Variants in ADGRV1 observed in about 807,000 individuals in gnomAD.
ADGRV1 encodes adhesion G protein-coupled receptor V1.
ADGRV1 carries 359 observed loss-of-function variants against 596.2 expected under a neutral mutation model. The observed-to-expected ratio is 0.60, with a 90% confidence interval of 0.55 to 0.66. The LOEUF (loss-of-function observed/expected upper bound fraction) is 0.66. ADGRV1 is among the 30% of genes least tolerant of loss of function. ADGRV1 has a pLI of 0.00. For synonymous variants in ADGRV1, 2,681 were observed against 2,679.2 expected, an observed-to-expected ratio of 1.00 and a Z score of -0.02; for missense variants, 7,274 against 7,575.6, an observed-to-expected ratio of 0.96 and a Z score of 1.48.
intron 45 of ADGRV1, 121 bp from the exon 46 acceptor site, chr5:90,724,711 T>C: frequency 4.8e-6 from 4 of 837,912 alleles, no homozygotes; most frequent in Non-Finnish European, 2.0e-6. Context: ...CATACACACG[T>C]CATGAAAGAA....
intron 14 of ADGRV1, 88 bp from the exon 15 acceptor site, chr5:90,644,614 TTTTA>T: frequency 2.0e-6 from 2 of 988,804 alleles, no homozygotes; most frequent in Non-Finnish European, 3.1e-6. Context: ...GAGGTGTTGT[TTTTA>T]TTTTTGTTTA....
chr5:90,982,627 T>C (rs1177164352), intron 84 of ADGRV1, among the ~76,000 whole-genome samples: 1 of 152,244 alleles, frequency 6.6e-6, no homozygotes, highest in Non-Finnish European at 1.5e-5. Flanking sequence ...TCTTCTCTAC[T>C]AACACACCTC....
chr5:90,595,062 C>T (rs1435670092), intron 1 of ADGRV1, among the ~76,000 whole-genome samples: 27 of 140,348 alleles, frequency 1.9e-4, no homozygotes, highest in Non-Finnish European at 2.8e-4. Flanking sequence ...TAGGGGCGGC[C>T]GGGCAGAGGC....
In ADGRV1 at chr5:90,983,624, C is replaced by T. The variant is rs540761658; in HGVS notation, c.17974-1720C>T. Among the ~76,000 whole-genome samples the T allele has an allele frequency of 3.3e-5, 5 of 152,094 alleles. No individual in the cohort carries two copies. The East Asian group carries it at 5.8e-4, about 18-fold the overall frequency. On this transcript the variant is annotated intron_variant, in intron 84 of 89. Transcript: ENST00000405460. ...CCAGCAACAACACTTTACACAACCCCGCTTATTTGAGTCCACATCCCTATA... is the reference window on the plus strand; with the variant it reads ...CCAGCAACAACACTTTACACAACCCTGCTTATTTGAGTCCACATCCCTATA...
At chr5:90,899,830 T>C (rs1339946393) in intron 83 of ADGRV1, among the ~76,000 whole-genome samples, 2 of 152,186 alleles carry the variant, frequency 1.3e-5, no homozygotes, top group African/African-American at 4.8e-5. Context: ...AAGACTCTGA[T>C]AACGAGAGCA....
At chr5:91,028,734 T>TTTTG (rs1784227638) in intron 85 of ADGRV1, among the ~76,000 whole-genome samples, 1 of 144,854 alleles carries the variant, frequency 6.9e-6, no homozygotes, top group Non-Finnish European at 1.5e-5. Context: ...TAGACTCTGT[T>TTTTG]TTTTTTTTTT....
chr5:91,024,077 G>A (rs56258383), intron 85 of ADGRV1, among the ~76,000 whole-genome samples: 36,631 of 152,024 alleles, frequency 0.24, 4,725 homozygotes, highest in Non-Finnish European at 0.28. Context: ...GCATGAGTAG[G>A]TTCTGAAATC....
rs1745596816 is a variant in ADGRV1, at chr5:90,686,119, C to G, written c.6490+124C>G. On this transcript the variant is annotated intron_variant, in intron 29 of 89. Coordinates refer to ENST00000405460, the MANE Select transcript of ADGRV1 (RefSeq NM_032119.4). ...ATAATCAACTAGAAAACTAGAAATA[C>G]TCTTGTATCTTTTTCAAGGGACAAA... is the stretch of plus-strand genomic sequence containing the variant. The G allele has an allele frequency of 2.1e-5, 10 of 465,178 alleles. No individual in the cohort carries two copies. The South Asian group carries it at 7.9e-4, about 37-fold the overall frequency. The allele number at this position is 465,178 out of a possible 1,614,324, so 28.8% of individuals were successfully genotyped here.
At chr5:90,888,641 A>G (rs1380900438) in intron 83 of ADGRV1, among the ~76,000 whole-genome samples, 1 of 152,084 alleles carries the variant, frequency 6.6e-6, no homozygotes, top group Non-Finnish European at 1.5e-5. Flanking sequence ...TGTTTTTATC[A>G]TTGTACTGCA....
chr5:90,971,070 G>A (rs546598553), intron 84 of ADGRV1, among the ~76,000 whole-genome samples: 6 of 152,318 alleles, frequency 3.9e-5, no homozygotes, highest in East Asian at 1.9e-4. Flanking sequence ...ACAAGCCTCC[G>A]TAGCCGATTT....
intron 89 of ADGRV1, among the ~76,000 whole-genome samples, chr5:91,154,561 C>A (rs1009768787): frequency 6.6e-6 from 1 of 152,218 alleles, no homozygotes; most frequent in Non-Finnish European, 1.5e-5. Flanking sequence ...GGCACAACCG[C>A]CTCTCGAGTG....
chr5:90,736,049 G>C (rs889565580), intron 50 of ADGRV1, among the ~76,000 whole-genome samples: 1 of 152,068 alleles, frequency 6.6e-6, no homozygotes, highest in African/African-American at 2.4e-5. Context: ...CTTTGTCTTG[G>C]CCAGGATCTT....
At position 90,802,895 on chromosome 5, in the gene ADGRV1, G is replaced by A. The variant is rs2150189937; in HGVS notation, c.14661+13G>A. ...TGCCAATTCTCAGGTAATTGGCCCT[G>A]TGTGTGGTTCTCTCAGCAGAACACT... On this transcript the variant is annotated intron_variant, in intron 71 of 89. Transcript: ENST00000405460. The A allele has an allele frequency of 2.5e-6, 4 of 1,594,708 alleles. No individual in the cohort carries two copies. The Admixed American group carries it at 5.2e-5, about 21-fold the overall frequency.
At chr5:90,966,413 T>G (rs568009745) in intron 84 of ADGRV1, among the ~76,000 whole-genome samples, 2 of 150,868 alleles carry the variant, frequency 1.3e-5, no homozygotes, top group African/African-American at 2.4e-5. Context: ...GCACCTATAA[T>G]CCCAGCTACT....
Position 90,745,686 on chromosome 5 carries a change from A to G in ADGRV1, c.10865A>G (p.Lys3622Arg), listed in dbSNP as rs1754545122. The G allele has an allele frequency of 6.2e-7, 1 of 1,612,286 alleles. No individual in the cohort carries two copies. Among genetic ancestry groups the G allele is most frequent in the South Asian group, 1.1e-5 (1 of 91,052 alleles). ...DTVPEKEESF[K>R]VQLKNPKGGA... ...GTTCCAGAAAAAGAAGAATCCTTCA[A>G]AGTTCAACTTAAAAATCCCAAAGGA... Residue 3622 changes from lysine to arginine, a missense_variant, in exon 52 of 90, where the codon AAA (lysine) becomes AGA (arginine). Physicochemically the swap from Lys to Arg is conservative, Grantham distance 26. This residue lies in a region of ADGRV1 where 3,643 missense variants were observed against 3,809.2 expected (regional missense o/e 0.96). Coordinates refer to ENST00000405460, the MANE Select transcript of ADGRV1 (RefSeq NM_032119.4).
At chr5:90,613,225 TC>T (rs1024157399) in intron 1 of ADGRV1, among the ~76,000 whole-genome samples, 1 of 152,138 alleles carries the variant, frequency 6.6e-6, no homozygotes, top group Non-Finnish European at 1.5e-5. Context: ...TTGTAGTTGA[TC>T]TTTTTCTTTC....
At chr5:90,687,477 G>A (rs568919763) in intron 29 of ADGRV1, among the ~76,000 whole-genome samples, 1 of 152,234 alleles carries the variant, frequency 6.6e-6, no homozygotes, top group African/African-American at 2.4e-5. Context: ...CATTCCCTTT[G>A]AAAACTGGCA....
intron 86 of ADGRV1, among the ~76,000 whole-genome samples, chr5:91,096,554 C>G (rs1244505261): frequency 1.3e-5 from 2 of 152,100 alleles, no homozygotes; most frequent in African/African-American, 4.8e-5. Flanking sequence ...CCTTTTCAAA[C>G]TATTTTGGTT....
intron 25 of ADGRV1, among the ~76,000 whole-genome samples, chr5:90,678,208 A>T (rs1349610022): frequency 6.6e-6 from 1 of 152,146 alleles, no homozygotes; most frequent in Non-Finnish European, 1.5e-5. Context: ...CAAAAGGAGA[A>T]GAGAGGGCAG....
Sources: allele counts gnomAD v4.1 joint callset (sites outside exome capture counted in the v4.1 genomes callset), GRCh38; gene constraint gnomAD v4.1.1; regional missense constraint gnomAD v4.1.1; transcripts MANE v1.5; gene names NCBI Gene and HGNC (gene_info 2026-07-23, HGNC 2026-07-21).